ARMH1: variants seen among roughly 807,000 people sequenced by gnomAD.
ARMH1 encodes the protein armadillo-like helical domain containing protein 1.
A neutral mutation model predicts 50.2 loss-of-function variants in ARMH1; 34 were observed. The ratio of observed to expected loss-of-function variants is 0.68; its 90% CI spans 0.51 to 0.90. The LOEUF (loss-of-function observed/expected upper bound fraction) is 0.90. Among genes scored for constraint, ARMH1 ranks in the 40% least tolerant of loss-of-function variants. The probability of loss-of-function intolerance (pLI) is 0.00; values close to 1 mark genes in which losing one functional copy is unlikely to be tolerated. For synonymous variants in ARMH1, 221 were observed against 224.2 expected (o/e 0.99, Z 0.13); for missense variants, 538 against 553.9 (o/e 0.97, Z 0.29).
At chr1:44,723,017 G>A (rs904205807) in intron 6 of ARMH1, among the ~76,000 whole-genome samples, 1 of 151,414 alleles carries the variant, frequency 6.6e-6, no homozygotes, top group Non-Finnish European at 1.5e-5. Context: ...GGAGGTTGCA[G>A]TGAGCCGAGA....
chr1:44,716,303 C>G (rs1177336925), intron 6 of ARMH1, among the ~76,000 whole-genome samples: 1 of 152,192 alleles, frequency 6.6e-6, no homozygotes, highest in Non-Finnish European at 1.5e-5. Flanking sequence ...AGTGTTAACT[C>G]TATGCTGGAT....
chr1:44,725,011 C>T (rs1489585903), intron 10 of ARMH1, 125 bp from the exon 11 acceptor site: 1 of 1,513,142 alleles, frequency 6.6e-7, no homozygotes, highest in Non-Finnish European at 8.9e-7. Flanking sequence ...CTTCCTGTTC[C>T]CTTTCCTGCC....
intron 2 of ARMH1, among the ~76,000 whole-genome samples, chr1:44,693,756 C>T (rs778860742): frequency 2.6e-5 from 4 of 152,150 alleles, no homozygotes; most frequent in Non-Finnish European, 5.9e-5. Flanking sequence ...ATGTCTGGCC[C>T]ATCATGGACT....
At chr1:44,703,935 C>G (rs995792525) in intron 5 of ARMH1, among the ~76,000 whole-genome samples, 154 bp from the exon 6 acceptor site, 10 of 151,476 alleles carry the variant, frequency 6.6e-5, no homozygotes, top group Non-Finnish European at 1.5e-4. Context: ...ACTTTGTTAG[C>G]CAGGATGGTC....
Position 44,686,768 on chromosome 1 carries a change from G to GA in ARMH1, c.-22-2907dup, listed in dbSNP as rs372161073. ...ATAGAAAGAAAAAAAATGGGAGTTA[G>GA]AGTGGTGCAATAAAACTGATTCCTC... On this transcript the variant is annotated intron_variant, in intron 1 of 11. Coordinates refer to ENST00000535358, the MANE Select transcript of ARMH1 (RefSeq NM_001145636.2). 2.0e-3 allele frequency among the ~76,000 whole-genome samples: 303 copies of GA among 151,594 alleles called. 1 individual carries two copies. Among genetic ancestry groups the GA allele is most frequent in the Non-Finnish European group, 3.3e-3 (226 of 67,890 alleles).
chr1:44,681,703 G>A lies in ARMH1; in HGVS notation c.-23+6830G>A, dbSNP rs1434871741. On this transcript the variant is annotated intron_variant, in intron 1 of 11. Transcript: ENST00000535358. This position sits in a 1 kb window ranked among gnomAD's most constrained non-coding sequence, Gnocchi z 4.3. ...GATGAAGAAAGAAGAGGAGTATGAC[G>A]ACATTCTTACCTAATGGCCTATAAC... is the stretch of plus-strand genomic sequence containing the variant. 1.3e-5 allele frequency among the ~76,000 whole-genome samples: 2 copies of A among 152,066 alleles called. No individual in the cohort carries two copies. The highest frequency in any genetic ancestry group is 2.9e-5 in the Non-Finnish European group (2 of 68,002).
chr1:44,689,662 C>A lies in ARMH1; in HGVS notation c.-22-14C>A, dbSNP rs1224211160. On this transcript the variant is annotated splice_polypyrimidine_tract_variant and intron_variant, in intron 1 of 11. Coordinates refer to ENST00000535358, the MANE Select transcript of ARMH1 (RefSeq NM_001145636.2). The stretch of plus-strand genomic sequence containing the variant: ...AACATTCCGGTAACCTGTCTCTTTT[C>A]CCTCCCTCTGTAGCCAACTTCAGGA... The A allele has an allele frequency of 1.3e-6, 2 of 1,536,004 alleles. No homozygotes were observed. The highest frequency in any genetic ancestry group is 1.2e-5 in the South Asian group (1 of 83,612).
intron 5 of ARMH1, among the ~76,000 whole-genome samples, chr1:44,701,656 C>G (rs1646087012): frequency 1.3e-5 from 2 of 152,074 alleles, no homozygotes; most frequent in African/African-American, 4.8e-5. Flanking sequence ...AGACCGGGTG[C>G]AGTGGCTCAG....
intron 5 of ARMH1, among the ~76,000 whole-genome samples, chr1:44,703,720 T>A (rs1300612351): frequency 1.4e-5 from 2 of 139,028 alleles, no homozygotes; most frequent in African/African-American, 5.2e-5. Context: ...AGAGTGGGAA[T>A]ACATCTTTTT....
In ARMH1 at chr1:44,681,863, T is replaced by C. The variant is rs1160501761; in HGVS notation, c.-23+6990T>C. On this transcript the variant is annotated intron_variant, in intron 1 of 11. Coordinates refer to ENST00000535358, the MANE Select transcript of ARMH1 (RefSeq NM_001145636.2). This position sits in a 1 kb window ranked among gnomAD's most constrained non-coding sequence, Gnocchi z 4.3. ...AGATTTGGGGTGTGGGTTTTGGGTATGAAAGCTGTGTTGGTTGGAGGTGAA... is the reference window on the plus strand; with the variant it reads ...AGATTTGGGGTGTGGGTTTTGGGTACGAAAGCTGTGTTGGTTGGAGGTGAA... 1.3e-5 allele frequency among the ~76,000 whole-genome samples: 2 copies of C among 152,138 alleles called. No individual in the cohort carries two copies. Among genetic ancestry groups the C allele is most frequent in the Non-Finnish European group, 2.9e-5 (2 of 68,020 alleles).
At chr1:44,707,484 C>T (rs1225744830) in intron 6 of ARMH1, among the ~76,000 whole-genome samples, 2 of 152,098 alleles carry the variant, frequency 1.3e-5, no homozygotes, top group Non-Finnish European at 2.9e-5. Flanking sequence ...GGCTGGAGCA[C>T]CGTAGCACAG....
intron 6 of ARMH1, among the ~76,000 whole-genome samples, chr1:44,707,463 CCT>C (rs1646397028): frequency 1.4e-4 from 21 of 152,120 alleles, no homozygotes; most frequent in Admixed American, 1.4e-3. Context: ...AGGGTTTCAC[CCT>C]GTTGCCCAGG....
chr1:44,707,247 C>CTGAGTGAGTGAG (rs58030485), intron 6 of ARMH1, among the ~76,000 whole-genome samples: 39 of 152,058 alleles, frequency 2.6e-4, no homozygotes, highest in African/African-American at 8.9e-4. Context: ...TGCATGTTTG[C>CTGAGTGAGTGAG]TGAGTGAGTG....
chr1:44,709,527 C>A (rs1340891506), intron 6 of ARMH1, among the ~76,000 whole-genome samples: 5 of 152,092 alleles, frequency 3.3e-5, no homozygotes, highest in African/African-American at 1.2e-4. Context: ...AAAAAATTAG[C>A]CGGGCGTAGT....
intron 2 of ARMH1, among the ~76,000 whole-genome samples, chr1:44,695,570 G>A (rs1403930659): frequency 1.3e-5 from 2 of 152,052 alleles, no homozygotes; most frequent in African/African-American, 4.8e-5. Context: ...CAGGAGGATC[G>A]CTTGAGCCTA....
intron 1 of ARMH1, among the ~76,000 whole-genome samples, chr1:44,678,795 G>A (rs190239401): frequency 2.4e-4 from 34 of 139,110 alleles, no homozygotes; most frequent in Admixed American, 1.8e-3. Context: ...TTGATTTGCC[G>A]GGGGGGTGGG....
In ARMH1 at chr1:44,704,005, C is replaced by T. The variant is rs1189995565; in HGVS notation, c.640-84C>T. ...CCTCCTAAAGTGCTGGGATTACAGG[C>T]GTGAGCCACCGCACCCGGCCGGGAA... is the stretch of plus-strand genomic sequence containing the variant. On this transcript the variant is annotated intron_variant, in intron 5 of 11. Transcript: ENST00000535358. 48 of 1,100,608 alleles carry T rather than the reference C, an allele frequency of 4.4e-5. 2 individuals are homozygous for T. The South Asian group carries it at 4.9e-4, about 11-fold the overall frequency. 68.2% of individuals were successfully genotyped at this position (1,100,608 alleles called of 1,614,324 possible). A position where few individuals can be genotyped will look rare whatever the true frequency, so the allele number is the denominator to read the frequency against.
chr1:44,692,002 T>TCCTG (rs1645674617), intron 2 of ARMH1, among the ~76,000 whole-genome samples: 1 of 152,218 alleles, frequency 6.6e-6, no homozygotes, highest in Non-Finnish European at 1.5e-5. Context: ...TTGAGGATAT[T>TCCTG]CCTGCTCTGT....
At chr1:44,703,882 A>G (rs1443880648) in intron 5 of ARMH1, among the ~76,000 whole-genome samples, 1 of 150,904 alleles carries the variant, frequency 6.6e-6, no homozygotes, top group Non-Finnish European at 1.5e-5. Flanking sequence ...GCCTGGCACC[A>G]CGCCCAGCTA....
Sources: gnomAD v4.1 joint callset for allele counts (sites outside exome capture counted in the v4.1 genomes callset) on GRCh38, gnomAD v4.1.1 for gene constraint, Gnocchi (gnomAD v3.1) non-coding constraint, MANE v1.5 for transcripts, NCBI Gene and HGNC (gene_info 2026-07-23, HGNC 2026-07-21) for gene names.